LIPA: variants seen among roughly 807,000 people sequenced by gnomAD.
The protein encoded by LIPA is lysosomal acid lipase/cholesteryl ester hydrolase.
Under a neutral mutation model 40.6 loss-of-function variants are expected in LIPA, and 26 were observed. That is an observed-to-expected ratio of 0.64 (90% confidence interval 0.47 to 0.89). The LOEUF is 0.89. Among genes scored for constraint, LIPA ranks in the 40% least tolerant of loss-of-function variants. The pLI, the probability that LIPA is intolerant of heterozygous loss-of-function variation, is 0.00. For synonymous variants in LIPA, 188 were observed against 168.4 expected (o/e 1.12, Z -0.90); for missense variants, 455 against 479.6 (o/e 0.95, Z 0.48).
chr10:89,391,399 A>G (rs1844249676), intron 2 of LIPA, among the ~76,000 whole-genome samples: 1 of 150,958 alleles, frequency 6.6e-6, no homozygotes, highest in Non-Finnish European at 1.5e-5. Context: ...GTTTTTTTGT[A>G]GAGTTGGGGT....
chr10:89,288,281 T>A (rs1210500723), intron 1 of LIPA, among the ~76,000 whole-genome samples: 1 of 152,196 alleles, frequency 6.6e-6, no homozygotes, highest in African/African-American at 2.4e-5. Context: ...TACCTAGTTT[T>A]ACCATCCTGA....
chr10:89,306,458 A>C, intron 1 of LIPA: 1 of 1,614,148 alleles, frequency 6.2e-7, no homozygotes, highest in Middle Eastern at 1.7e-4. Context: ...TCTGGAAAAG[A>C]AGCCAAAGAA....
chr10:89,256,404 A>G (rs963164792), upstream of LIPA, among the ~76,000 whole-genome samples: 3 of 152,214 alleles, frequency 2.0e-5, no homozygotes, highest in African/African-American at 4.8e-5. Flanking sequence ...CAAAGAACAC[A>G]CGTAGAGATT....
At chr10:89,408,378 A>G (rs1227373781) in intron 2 of LIPA, among the ~76,000 whole-genome samples, 1 of 152,214 alleles carries the variant, frequency 6.6e-6, no homozygotes, top group Non-Finnish European at 1.5e-5. Context: ...GAAAATACAC[A>G]ACTATGCAAA....
intron 2 of LIPA, among the ~76,000 whole-genome samples, chr10:89,389,050 T>A (rs1322409492): frequency 6.6e-6 from 1 of 152,190 alleles, no homozygotes. Flanking sequence ...CATACAGTGG[T>A]CAGAACACTG....
chr10:89,244,590 T>A (rs1170405429), intron 3 of LIPA, among the ~76,000 whole-genome samples: 3 of 152,020 alleles, frequency 2.0e-5, no homozygotes, highest in Non-Finnish European at 2.9e-5. Context: ...CTCAAAAAAA[T>A]AAATAAATAA....
At chr10:89,384,597 A>G in intron 2 of LIPA, 1 of 1,614,206 alleles carries the variant, frequency 6.2e-7, no homozygotes, top group Non-Finnish European at 8.5e-7. Context: ...TGGCTAAAAG[A>G]TGTATTCACC....
chr10:89,295,796 A>G (rs747730288), intron 1 of LIPA, among the ~76,000 whole-genome samples: 1 of 152,190 alleles, frequency 6.6e-6, no homozygotes, highest in Non-Finnish European at 1.5e-5. Flanking sequence ...AATAAGTTTC[A>G]TTTTCTCAAA....
At chr10:89,252,003 C>G (rs11203051), upstream of LIPA, 11,485 of 152,420 alleles carry the variant, frequency 0.075, 442 homozygotes, top group Middle Eastern at 0.16. Flanking sequence ...AGATGGAGCC[C>G]GTCCTCCGCC....
At position 89,403,613 on chromosome 10, in the gene LIPA, C is replaced by G. The variant is rs756360767; in HGVS notation, c.61+9178G>C. On this transcript the variant is annotated intron_variant, in intron 2 of 8. Transcript: ENST00000371837. ...AAAGCTTGAGCCTCCTTGGGTTCGTCTACAAATTGGAAGGAAATATGAATG... is the reference window on the plus strand; with the variant it reads ...AAAGCTTGAGCCTCCTTGGGTTCGTGTACAAATTGGAAGGAAATATGAATG... The G allele has an allele frequency of 1.9e-6, 3 of 1,614,098 alleles. No homozygotes were observed. In the South Asian group the frequency reaches 3.3e-5, roughly 18 times the overall value.
upstream of LIPA, among the ~76,000 whole-genome samples, chr10:89,252,747 A>G (rs183183020): frequency 6.0e-4 from 89 of 147,620 alleles, no homozygotes; most frequent in African/African-American, 2.1e-3. Context: ...TGGAGGTTGC[A>G]GTGAGCGGAG....
At chr10:89,269,320 A>C (rs868467167) in intron 1 of LIPA, among the ~76,000 whole-genome samples, 4 of 152,178 alleles carry the variant, frequency 2.6e-5, no homozygotes, top group African/African-American at 9.7e-5. Flanking sequence ...CAGAGTCAAA[A>C]AAATAATAAT....
chr10:89,215,907 C>T (rs1472489505), intron 9 of LIPA, 31 bp downstream of exon 9: 5 of 1,401,054 alleles, frequency 3.6e-6, no homozygotes, highest in Non-Finnish European at 4.1e-6. Context: ...GTTTTCAGGG[C>T]CCCCTTTAAT....
intron 8 of LIPA, among the ~76,000 whole-genome samples, chr10:89,220,564 G>A (rs922620891): frequency 2.6e-5 from 4 of 152,192 alleles, no homozygotes; most frequent in Non-Finnish European, 5.9e-5. Context: ...TAAGTGGTAA[G>A]CATGTGCTGT....
At position 89,214,623 on chromosome 10, in the gene LIPA, A is replaced by G; in HGVS notation, c.*205T>C. ...ACTATGGTTGAGACACTGGCTTCCT[A>G]TTCCAGCCCTAATTAAAGAAAAAAT... On this transcript the variant is annotated 3_prime_UTR_variant, in exon 10 of 10. Coordinates refer to ENST00000336233, the MANE Select transcript of LIPA (RefSeq NM_000235.4). 3.7e-6 allele frequency: 2 copies of G among 546,420 alleles called. No individual in the cohort carries two copies. Among genetic ancestry groups the G allele is most frequent in the Middle Eastern group, 5.0e-4 (1 of 1,984 alleles). 33.8% of individuals were successfully genotyped at this position (546,420 alleles called of 1,614,324 possible).
intron 1 of LIPA, among the ~76,000 whole-genome samples, chr10:89,325,866 T>TA (rs766049142): frequency 2.6e-5 from 4 of 151,138 alleles, no homozygotes; most frequent in Admixed American, 6.6e-5. Flanking sequence ...AAATATAAGT[T>TA]AAAAAAAAAC....
rs543532527 is a variant in LIPA, at chr10:89,413,520, G to A, written c.-71-598C>T. On this transcript the variant is annotated intron_variant, in intron 1 of 8. Transcript: ENST00000371837. ...AGCATTTTGGGAGGCCACGATGGGC[G>A]GAACAATATTTAAGGTTTAGAAAAA... Among the ~76,000 whole-genome samples the A allele has an allele frequency of 7.2e-5, 11 of 152,240 alleles. No individual in the cohort carries two copies. In the East Asian group the frequency reaches 7.7e-4, roughly 11 times the overall value.
At chr10:89,229,428 C>T (rs1842811665) in intron 3 of LIPA, among the ~76,000 whole-genome samples, 1 of 152,128 alleles carries the variant, frequency 6.6e-6, no homozygotes, top group African/African-American at 2.4e-5. Context: ...ATACATTTGT[C>T]CAAAACTATA....
intron 1 of LIPA, among the ~76,000 whole-genome samples, chr10:89,290,003 G>A (rs549059240): frequency 6.7e-6 from 1 of 149,394 alleles, no homozygotes; most frequent in Non-Finnish European, 1.5e-5. Flanking sequence ...AAAAAGGGTG[G>A]GGGGGACTCT....
Sources: gnomAD v4.1 joint callset for allele counts (sites outside exome capture counted in the v4.1 genomes callset) on GRCh38, gnomAD v4.1.1 for gene constraint, MANE v1.5 for transcripts, NCBI Gene and HGNC (gene_info 2026-07-23, HGNC 2026-07-21) for gene names.